Variants in MEIS2 observed in about 807,000 individuals in gnomAD.
MEIS2 encodes Meis homeobox 2, also known as homeobox protein Meis2.
Under a neutral mutation model 58.6 loss-of-function variants are expected in MEIS2, and 9 were observed. The ratio of observed to expected loss-of-function variants is 0.15; its 90% CI spans 0.09 to 0.27. The LOEUF is 0.27. MEIS2 is among the 10% of genes least tolerant of loss of function. MEIS2 has a pLI of 1.00. For synonymous variants in MEIS2, 221 were observed against 228.4 expected (o/e 0.97, Z 0.29); for missense variants, 427 against 635.0 (o/e 0.67, Z 3.52).
chr15:36,974,297 G>A (rs1258562778), intron 8 of MEIS2, among the ~76,000 whole-genome samples: 2 of 152,030 alleles, frequency 1.3e-5, no homozygotes, highest in African/African-American at 4.8e-5. Flanking sequence ...TACATAGTTC[G>A]TTTATTTTTT....
At chr15:36,912,152 G>A (rs1211770049) in intron 9 of MEIS2, among the ~76,000 whole-genome samples, 4 of 128,394 alleles carry the variant, frequency 3.1e-5, no homozygotes, top group Admixed American at 8.1e-5. Flanking sequence ...CATTTTAGGT[G>A]CACACAAAAG....
At chr15:37,096,630 A>G in intron 2 of MEIS2, 200 bp from the exon 3 acceptor site, 1 of 502,512 alleles carries the variant, frequency 2.0e-6, no homozygotes, top group East Asian at 3.6e-5. Context: ...CCTCTCCCGC[A>G]GCTCAGAGGT....
chr15:37,094,497 T>TC, intron 5 of MEIS2, 30 bp downstream of exon 5: 2 of 1,608,034 alleles, frequency 1.2e-6, no homozygotes, highest in Non-Finnish European at 1.7e-6. Context: ...AATGGTTTAA[T>TC]CAACACGGGG....
At chr15:37,050,058 C>T (rs559441915) in intron 7 of MEIS2, among the ~76,000 whole-genome samples, 6 of 152,100 alleles carry the variant, frequency 3.9e-5, no homozygotes, top group African/African-American at 9.6e-5. Context: ...CATTATAGAA[C>T]ATATATTGAC....
chr15:36,973,979 A>G (rs932131057), intron 8 of MEIS2, among the ~76,000 whole-genome samples: 1 of 152,144 alleles, frequency 6.6e-6, no homozygotes, highest in African/African-American at 2.4e-5. Context: ...TTTCACATCA[A>G]TTTCCCCCTC....
intron 7 of MEIS2, among the ~76,000 whole-genome samples, chr15:37,047,907 T>C (rs185030912): frequency 2.0e-5 from 3 of 152,362 alleles, no homozygotes; most frequent in Non-Finnish European, 4.4e-5. Context: ...TAAATATAAA[T>C]AGCTGTTATT....
chr15:36,994,034 A>T (rs1006535136), intron 8 of MEIS2, among the ~76,000 whole-genome samples: 1 of 152,140 alleles, frequency 6.6e-6, no homozygotes, highest in South Asian at 2.1e-4. Flanking sequence ...CAAAAGAAAA[A>T]AAAAGTATGC....
intron 8 of MEIS2, among the ~76,000 whole-genome samples, chr15:37,022,171 C>CT (rs1214247437): frequency 1.3e-5 from 2 of 151,936 alleles, no homozygotes; most frequent in Admixed American, 6.6e-5. Flanking sequence ...TAGTTGTTTT[C>CT]TTTTTTTAAC....
chr15:37,008,100 G>A (rs147095427), intron 8 of MEIS2, among the ~76,000 whole-genome samples: 370 of 152,128 alleles, frequency 2.4e-3, no homozygotes, highest in African/African-American at 8.4e-3. Context: ...GAATATAGCC[G>A]GTCAATGAAA....
At chr15:36,967,575 G>C (rs17435328) in intron 8 of MEIS2, among the ~76,000 whole-genome samples, 1 of 152,150 alleles carries the variant, frequency 6.6e-6, no homozygotes, top group African/African-American at 2.4e-5. Flanking sequence ...TCCCAAAACC[G>C]GTATAGCTCC....
chr15:36,992,769 G>A (rs564576585), intron 8 of MEIS2, among the ~76,000 whole-genome samples: 1 of 151,860 alleles, frequency 6.6e-6, no homozygotes, highest in South Asian at 2.1e-4. Context: ...AATCTGGAAA[G>A]GATTTGGAGA....
chr15:37,097,899 C>T (rs1408102971), intron 2 of MEIS2, 68 bp downstream of exon 2: 1 of 1,499,042 alleles, frequency 6.7e-7, no homozygotes, highest in South Asian at 1.3e-5. Context: ...CACCTTCCCA[C>T]CCCCACAGAG....
At chr15:37,079,468 CAT>C in intron 7 of MEIS2, among the ~76,000 whole-genome samples, 1 of 152,168 alleles carries the variant, frequency 6.6e-6, no homozygotes, top group South Asian at 2.1e-4. Context: ...CCCAGTAGAA[CAT>C]ATTCAGGACC....
intron 8 of MEIS2, among the ~76,000 whole-genome samples, chr15:37,023,753 C>A (rs937409867): frequency 2.0e-5 from 3 of 152,094 alleles, no homozygotes; most frequent in African/African-American, 4.8e-5. Context: ...CTTCCTAATT[C>A]ACTCTCCATC....
intron 7 of MEIS2, among the ~76,000 whole-genome samples, chr15:37,061,356 G>C (rs1889192226): frequency 6.6e-6 from 1 of 152,178 alleles, no homozygotes; most frequent in Non-Finnish European, 1.5e-5. Context: ...CGGCAGAAGT[G>C]TTTAAGGGCA....
At chr15:36,932,106 G>A (rs1441182993) in intron 9 of MEIS2, among the ~76,000 whole-genome samples, 8 of 152,064 alleles carry the variant, frequency 5.3e-5, no homozygotes, top group African/African-American at 1.9e-4. Flanking sequence ...AGAGATAAAC[G>A]TTAGGAAAAA....
rs931273642 is a variant in MEIS2, at chr15:37,042,132, C to A, written c.755-5173G>T. On this transcript the variant is annotated intron_variant, in intron 7 of 11. Transcript: ENST00000561208. ...CACCACTGCACTCTCGCCTGGGCAG[C>A]GGAGTAAGACCCTATCTCAAAAAGA... Among the ~76,000 whole-genome samples the A allele has an allele frequency of 3.3e-5, 5 of 152,214 alleles. No homozygotes were observed. The East Asian group carries it at 9.7e-4, about 29-fold the overall frequency.
intron 7 of MEIS2, among the ~76,000 whole-genome samples, chr15:37,045,162 T>G (rs2062611150): frequency 6.6e-6 from 1 of 152,150 alleles, no homozygotes; most frequent in Non-Finnish European, 1.5e-5. Context: ...CTCTGCCCTA[T>G]TCCAACAGGG....
chr15:36,965,914 C>T (rs2059338915), intron 8 of MEIS2, among the ~76,000 whole-genome samples: 1 of 152,134 alleles, frequency 6.6e-6, no homozygotes, highest in Non-Finnish European at 1.5e-5. Flanking sequence ...GAAATTCAGG[C>T]TATATCTCAC....
Sources: gnomAD v4.1 joint callset for allele counts (sites outside exome capture counted in the v4.1 genomes callset) on GRCh38, gnomAD v4.1.1 for gene constraint, MANE v1.5 for transcripts, NCBI Gene and HGNC (gene_info 2026-07-23, HGNC 2026-07-21) for gene names.